PRLR: variants seen among roughly 807,000 people sequenced by gnomAD.
PRLR encodes hPRL receptor.
Under a neutral mutation model 40.2 loss-of-function variants are expected in PRLR, and 13 were observed. The observed-to-expected ratio is 0.32, with a 90% CI of 0.21 to 0.51. PRLR has a LOEUF of 0.51. Ranked by LOEUF, PRLR falls within the 20% of genes least tolerant of loss-of-function variation. PRLR has a pLI of 0.97. For synonymous variants in PRLR, 269 were observed against 278.7 expected (o/e 0.97, Z 0.35); for missense variants, 656 against 747.3 (o/e 0.88, Z 1.42).
chr5:35,101,687 C>CAT (rs1333488142), intron 2 of PRLR, among the ~76,000 whole-genome samples: 4 of 150,120 alleles, frequency 2.7e-5, no homozygotes, highest in African/African-American at 7.3e-5. Flanking sequence ...GGAATGAAAA[C>CAT]ACATATATAT....
At chr5:35,203,005 T>C (rs559397897) in intron 1 of PRLR, among the ~76,000 whole-genome samples, 1 of 152,266 alleles carries the variant, frequency 6.6e-6, no homozygotes, top group East Asian at 1.9e-4. Flanking sequence ...ATTGGCCTTG[T>C]TCTTAGACAG....
At chr5:35,109,536 C>A (rs955682564) in intron 2 of PRLR, among the ~76,000 whole-genome samples, 6 of 152,146 alleles carry the variant, frequency 3.9e-5, no homozygotes, top group African/African-American at 1.4e-4. Flanking sequence ...ATCAAACAAC[C>A]CCATCAAAAA....
chr5:35,094,320 C>T (rs1771401035), intron 2 of PRLR, among the ~76,000 whole-genome samples: 1 of 152,214 alleles, frequency 6.6e-6, no homozygotes, highest in Admixed American at 6.5e-5. Context: ...TTTCATTTCA[C>T]ATGGGTGTAG....
At chr5:35,106,542 C>T (rs1461659925) in intron 2 of PRLR, among the ~76,000 whole-genome samples, 1 of 151,970 alleles carries the variant, frequency 6.6e-6, no homozygotes, top group East Asian at 1.9e-4. Flanking sequence ...ATCTACCAAG[C>T]AAATGGAAAA....
chr5:35,188,159 C>T (rs1221514042), intron 1 of PRLR, among the ~76,000 whole-genome samples: 3 of 152,178 alleles, frequency 2.0e-5, no homozygotes, highest in African/African-American at 4.8e-5. Context: ...ACTAGCCGTG[C>T]CTGGAAAGTC....
intron 1 of PRLR, among the ~76,000 whole-genome samples, chr5:35,193,473 G>A (rs1316626833): frequency 6.6e-6 from 1 of 152,172 alleles, no homozygotes. Flanking sequence ...ACCATGCCTT[G>A]GGAGGACTTG....
intron 1 of PRLR, among the ~76,000 whole-genome samples, chr5:35,177,813 G>A (rs530065224): frequency 1.5e-4 from 23 of 152,222 alleles, no homozygotes; most frequent in African/African-American, 3.9e-4. Context: ...TCAGTTTGGC[G>A]GATATATAGC....
At chr5:35,131,424 C>T (rs544712999) in intron 1 of PRLR, among the ~76,000 whole-genome samples, 7 of 152,110 alleles carry the variant, frequency 4.6e-5, no homozygotes, top group African/African-American at 1.2e-4. Context: ...CTAGTGGTGG[C>T]GGGCTGGACA....
At position 35,064,261 on chromosome 5, in the gene PRLR, G is replaced by A. The variant is rs1010087983; in HGVS notation, c.*828C>T. On this transcript the variant is annotated 3_prime_UTR_variant, in exon 10 of 10. Coordinates refer to ENST00000618457, the MANE Select transcript of PRLR (RefSeq NM_000949.7). Reference sequence around the variant, plus strand: ...AAGGCAGTAATTCCATTAGCATCCTGCTGTGGTTTTCTTTTCAAGTTAGTC... The same window carrying A: ...AAGGCAGTAATTCCATTAGCATCCTACTGTGGTTTTCTTTTCAAGTTAGTC... The A allele has an allele frequency of 2.0e-5, 3 of 152,144 alleles. No homozygotes were observed. Among genetic ancestry groups the A allele is most frequent in the African/African-American group, 7.2e-5 (3 of 41,422 alleles). The allele number at this position is 152,144 out of a possible 1,614,324, so 9.4% of individuals were successfully genotyped here. A position where few individuals can be genotyped will look rare whatever the true frequency, so the allele number is the denominator to read the frequency against.
chr5:35,143,481 C>G (rs1480943166), intron 1 of PRLR, among the ~76,000 whole-genome samples: 1 of 152,180 alleles, frequency 6.6e-6, no homozygotes, highest in Non-Finnish European at 1.5e-5. Flanking sequence ...CTCTGATCAC[C>G]TTATGCAAAG....
chr5:35,089,720 C>T (rs1020484298), intron 2 of PRLR, 57 bp from the exon 3 acceptor site: 6 of 1,067,084 alleles, frequency 5.6e-6, no homozygotes, highest in Non-Finnish European at 8.6e-6. Flanking sequence ...CAGGCACATC[C>T]ACCACTTTAT....
chr5:35,188,424 C>A (rs1394827746), intron 1 of PRLR, among the ~76,000 whole-genome samples: 1 of 152,200 alleles, frequency 6.6e-6, no homozygotes, highest in Admixed American at 6.5e-5. Flanking sequence ...CAAAGCTTAG[C>A]GTGAAGGCTC....
At chr5:35,096,902 G>A (rs1186614514) in intron 2 of PRLR, among the ~76,000 whole-genome samples, 1 of 152,192 alleles carries the variant, frequency 6.6e-6, no homozygotes, top group Non-Finnish European at 1.5e-5. Context: ...TTACAGGCGT[G>A]AGCCACTGTG....
rs543794296 is a variant in PRLR at position 35,091,182 on chromosome 5, G to A, written c.-43-1519C>T. Among the ~76,000 whole-genome samples, 27 of 152,122 alleles carry A rather than the reference G, an allele frequency of 1.8e-4. No homozygotes were observed. The South Asian group carries it at 5.4e-3, about 30-fold the overall frequency. On this transcript the variant is annotated intron_variant, in intron 2 of 9. Coordinates refer to ENST00000618457, the MANE Select transcript of PRLR (RefSeq NM_000949.7). ...GGTCCAGTGGTGGATCCTGTGAGGT[G>A]ACCCGTATTTTGTTCTTTTGGGGAC...
intron 1 of PRLR, among the ~76,000 whole-genome samples, chr5:35,181,568 A>T (rs1775298423): frequency 6.6e-6 from 1 of 152,262 alleles, no homozygotes; most frequent in African/African-American, 2.4e-5. Flanking sequence ...ACTTAATAAC[A>T]CAATTTGCCA....
In PRLR at chr5:35,139,530, C is replaced by G. The variant is rs1202025164; in HGVS notation, c.-105-21408G>C. Among the ~76,000 whole-genome samples, 5 of 152,050 alleles carry G rather than the reference C, an allele frequency of 3.3e-5. No homozygotes were observed. In the East Asian group the frequency reaches 9.6e-4, roughly 29 times the overall value. Reference sequence around the variant, plus strand: ...AGATGTGTGGTAGAAAGAAAAAACCCCACATACTATAAAATAATCCAGATA... The same window carrying G: ...AGATGTGTGGTAGAAAGAAAAAACCGCACATACTATAAAATAATCCAGATA... On this transcript the variant is annotated intron_variant, in intron 1 of 9. Transcript: ENST00000618457.
At chr5:35,067,432 ACTCCTGG>A (rs1769448330) in intron 9 of PRLR, among the ~76,000 whole-genome samples, 16 of 151,960 alleles carry the variant, frequency 1.1e-4, no homozygotes, top group Non-Finnish European at 1.3e-4. Context: ...AGGAGCTGGG[ACTCCTGG>A]GCTCTAGTCC....
chr5:35,191,043 A>ATTTTC (rs1775587952), intron 1 of PRLR, among the ~76,000 whole-genome samples: 2 of 98,698 alleles, frequency 2.0e-5, no homozygotes, highest in African/African-American at 7.1e-5. Context: ...CAGATGTGTT[A>ATTTTC]TTTTCTTTTT....
At chr5:35,226,862 C>T (rs1273193628) in intron 1 of PRLR, among the ~76,000 whole-genome samples, 1 of 152,248 alleles carries the variant, frequency 6.6e-6, no homozygotes, top group Non-Finnish European at 1.5e-5. Context: ...GGGCTGGGAT[C>T]CTGTGTGTCT....
Sources: allele counts gnomAD v4.1 joint callset (sites outside exome capture counted in the v4.1 genomes callset), GRCh38; gene constraint gnomAD v4.1.1; transcripts MANE v1.5; gene names NCBI Gene and HGNC (gene_info 2026-07-23, HGNC 2026-07-21).